CAMTA1: variants seen among roughly 807,000 people sequenced by gnomAD.
CAMTA1 encodes calmodulin-binding transcription activator 1.
CAMTA1 carries 27 observed loss-of-function variants against 170.9 expected under a neutral mutation model. The ratio of observed to expected loss-of-function variants is 0.16; its 90% CI spans 0.12 to 0.22. The LOEUF (loss-of-function observed/expected upper bound fraction) is 0.22, where lower values mean the gene tolerates loss of function less well. Ranked by LOEUF, CAMTA1 falls within the 10% of genes least tolerant of loss-of-function variation. The pLI, the probability that CAMTA1 is intolerant of heterozygous loss-of-function variation, is 1.00. For missense variants in CAMTA1, 1,619 were observed against 2,217.2 expected (o/e 0.73, Z 5.42); for synonymous variants, 833 against 891.5 (o/e 0.93, Z 1.17).
intron 6 of CAMTA1, among the ~76,000 whole-genome samples, chr1:7,493,651 G>A (rs1370173011): frequency 4.0e-5 from 1 of 24,852 alleles, no homozygotes; most frequent in African/African-American, 3.4e-4. Context: ...ACTGGGGGGG[G>A]GGGGGGGTCA....
In CAMTA1 at chr1:7,532,516, G is replaced by C. The variant is rs2094503738; in HGVS notation, c.510+64615G>C. On this transcript the variant is annotated intron_variant, in intron 6 of 22. Transcript: ENST00000303635. This position sits in a 1 kb window ranked among gnomAD's most constrained non-coding sequence, Gnocchi z 4.2. Reference sequence around the variant, plus strand: ...GGGCTCTTACCATGTTGCCCAGGTTGGTCTTGAACTCCTGGGCTCAATCAA... The same window carrying C: ...GGGCTCTTACCATGTTGCCCAGGTTCGTCTTGAACTCCTGGGCTCAATCAA... Among the ~76,000 whole-genome samples, 2 of 151,980 alleles carry C rather than the reference G, an allele frequency of 1.3e-5. No individual in the cohort carries two copies. The highest frequency in any genetic ancestry group is 1.3e-4 in the Admixed American group (2 of 15,260).
Position 7,641,364 on chromosome 1 carries a change from C to T in CAMTA1, c.664+811C>T, listed in dbSNP as rs1391025908. On this transcript the variant is annotated intron_variant, in intron 7 of 22. Transcript: ENST00000303635. The surrounding 1 kb of genome is among the most constrained non-coding windows in gnomAD (Gnocchi z 4.5). ...GGCAAGGACCTGCCATCAGCAGGGC[C>T]TGAGGGGGTGGGTCAGTGGCTCACT... 6.6e-6 allele frequency among the ~76,000 whole-genome samples: 1 copy of T among 152,186 alleles called. No individual in the cohort carries two copies. Among genetic ancestry groups the T allele is most frequent in the Non-Finnish European group, 1.5e-5 (1 of 68,030 alleles).
intron 3 of CAMTA1, among the ~76,000 whole-genome samples, chr1:6,990,201 G>T (rs1013346143): frequency 6.6e-6 from 1 of 152,208 alleles, no homozygotes; most frequent in Admixed American, 6.5e-5. Flanking sequence ...CAAGTGTTTA[G>T]TTCATTTATT....
chr1:7,137,055 C>T (rs192077006), intron 4 of CAMTA1, among the ~76,000 whole-genome samples: 132 of 152,290 alleles, frequency 8.7e-4, no homozygotes, highest in Non-Finnish European at 1.7e-3. Flanking sequence ...GCTGTTGATT[C>T]ATCACCTCTT....
chr1:6,856,246 T>C lies in CAMTA1; in HGVS notation c.234+31036T>C, dbSNP rs114063741. The stretch of plus-strand genomic sequence containing the variant: ...CAATGTAGAGCAATCTGGAAGGCTG[T>C]ATATATCAAGATGGCCAAGATGGAA... On this transcript the variant is annotated intron_variant, in intron 3 of 22. Coordinates refer to ENST00000303635, the MANE Select transcript of CAMTA1 (RefSeq NM_015215.4). Among the ~76,000 whole-genome samples, 779 of 151,136 alleles carry C rather than the reference T, an allele frequency of 5.2e-3. 2 individuals carry two copies. Among genetic ancestry groups the C allele is most frequent in the Non-Finnish European group, 8.1e-3 (548 of 67,922 alleles).
In CAMTA1 at chr1:7,325,565, G is replaced by T. The variant is rs1217227608; in HGVS notation, c.438+75939G>T. 1.3e-5 allele frequency among the ~76,000 whole-genome samples: 2 copies of T among 152,220 alleles called. No individual in the cohort carries two copies. Among genetic ancestry groups the T allele is most frequent in the East Asian group, 1.9e-4 (1 of 5,200 alleles). Reference sequence around the variant, plus strand: ...ACTTGCTCCAGGGTGTAGCCAGGTGGATGGGGAGAAAGGGGTCTTGGACTT... The same window carrying T: ...ACTTGCTCCAGGGTGTAGCCAGGTGTATGGGGAGAAAGGGGTCTTGGACTT... On this transcript the variant is annotated intron_variant, in intron 5 of 22. Coordinates refer to ENST00000303635, the MANE Select transcript of CAMTA1 (RefSeq NM_015215.4). The surrounding 1 kb of genome is among the most constrained non-coding windows in gnomAD (Gnocchi z 5.0).
At chr1:7,310,813 T>G (rs1364514455) in intron 5 of CAMTA1, among the ~76,000 whole-genome samples, 4 of 150,744 alleles carry the variant, frequency 2.7e-5, no homozygotes, top group Non-Finnish European at 5.9e-5. Flanking sequence ...TCACTGCAAC[T>G]TCCGCCTCCT....
At chr1:7,176,940 TAC>T (rs1650962922) in intron 4 of CAMTA1, among the ~76,000 whole-genome samples, 1 of 151,468 alleles carries the variant, frequency 6.6e-6, no homozygotes, top group Non-Finnish European at 1.5e-5. Context: ...GGCTGGAAAA[TAC>T]AGTTTAAAAA....
At chr1:7,601,270 G>T (rs560032494) in intron 6 of CAMTA1, among the ~76,000 whole-genome samples, 1 of 151,754 alleles carries the variant, frequency 6.6e-6, no homozygotes, top group African/African-American at 2.4e-5. Context: ...CAGACGGGGC[G>T]GTTGCCAGGC....
intron 6 of CAMTA1, among the ~76,000 whole-genome samples, chr1:7,477,132 CAT>C (rs909792280): frequency 7.9e-5 from 12 of 152,180 alleles, no homozygotes; most frequent in African/African-American, 2.9e-4. Flanking sequence ...CAGGAGTGAC[CAT>C]GGTGACACTG....
At chr1:7,726,917 G>A (rs1279597980) in intron 11 of CAMTA1, among the ~76,000 whole-genome samples, 1 of 152,148 alleles carries the variant, frequency 6.6e-6, no homozygotes, top group African/African-American at 2.4e-5. Flanking sequence ...ACTTGCACTT[G>A]TAACTTTCCT....
At chr1:7,494,341 C>T (rs548020218) in intron 6 of CAMTA1, among the ~76,000 whole-genome samples, 2 of 152,292 alleles carry the variant, frequency 1.3e-5, no homozygotes, top group South Asian at 4.1e-4. Flanking sequence ...GGAGAAGAAC[C>T]TCATCAGAAT....
chr1:6,955,058 A>G (rs925427851), intron 3 of CAMTA1, among the ~76,000 whole-genome samples: 10 of 151,838 alleles, frequency 6.6e-5, no homozygotes, highest in Admixed American at 5.9e-4. Flanking sequence ...GGCTCTGGCA[A>G]TCTGGAAATG....
intron 3 of CAMTA1, among the ~76,000 whole-genome samples, chr1:6,828,890 GTTTTTTTTT>G (rs1026284603): frequency 1.2e-4 from 12 of 101,996 alleles, no homozygotes; most frequent in Non-Finnish European, 2.3e-4. Context: ...CTGTAACGTA[GTTTTTTTTT>G]TTTTTTTTTT....
intron 5 of CAMTA1, among the ~76,000 whole-genome samples, chr1:7,413,394 A>T (rs2090937071): frequency 6.6e-6 from 1 of 152,096 alleles, no homozygotes; most frequent in Admixed American, 6.5e-5. Flanking sequence ...ATGAGCATGG[A>T]ATGTTCTTCC....
chr1:6,813,632 T>G (rs1570348201), intron 1 of CAMTA1, among the ~76,000 whole-genome samples: 2 of 152,144 alleles, frequency 1.3e-5, no homozygotes, highest in Non-Finnish European at 2.9e-5. Flanking sequence ...TTTAAAAATT[T>G]TTTTTAGAGA....
At chr1:7,632,849 G>T (rs551529729) in intron 6 of CAMTA1, among the ~76,000 whole-genome samples, 1 of 152,254 alleles carries the variant, frequency 6.6e-6, no homozygotes, top group African/African-American at 2.4e-5. Flanking sequence ...GGCTGATTGC[G>T]CACGCCCAGG....
chr1:6,981,735 C>T (rs1323255654), intron 3 of CAMTA1, among the ~76,000 whole-genome samples: 1 of 151,282 alleles, frequency 6.6e-6, no homozygotes, highest in Non-Finnish European at 1.5e-5. Flanking sequence ...CATGCCTGGC[C>T]TATTATTATT....
At chr1:6,922,913 C>T (rs1236758862) in intron 3 of CAMTA1, among the ~76,000 whole-genome samples, 2 of 152,166 alleles carry the variant, frequency 1.3e-5, no homozygotes, top group African/African-American at 4.8e-5. Flanking sequence ...AATGAGTCTG[C>T]TGGAGGATCA....
Sources: gnomAD v4.1 joint callset for allele counts (sites outside exome capture counted in the v4.1 genomes callset) on GRCh38, gnomAD v4.1.1 for gene constraint, Gnocchi (gnomAD v3.1) non-coding constraint, MANE v1.5 for transcripts, NCBI Gene and HGNC (gene_info 2026-07-23, HGNC 2026-07-21) for gene names.